Variants in AGPAT3 observed in about 807,000 individuals in gnomAD.
AGPAT3 encodes 1-acyl-sn-glycerol-3-phosphate acyltransferase gamma.
Under a neutral mutation model 47.3 loss-of-function variants are expected in AGPAT3, and 5 were observed. That is an observed-to-expected ratio of 0.11 (90% CI 0.06 to 0.22). The LOEUF (loss-of-function observed/expected upper bound fraction) is 0.22. AGPAT3 is among the 10% of genes least tolerant of loss of function. The pLI, the probability that AGPAT3 is intolerant of heterozygous loss-of-function variation, is 1.00. For missense variants in AGPAT3, 315 were observed against 493.0 expected, an observed-to-expected ratio of 0.64 and a Z score of 3.42; for synonymous variants, 212 against 208.3, an observed-to-expected ratio of 1.02 and a Z score of -0.15.
At chr21:43,904,401 C>T (rs1438712608) in intron 2 of AGPAT3, among the ~76,000 whole-genome samples, 1 of 152,178 alleles carries the variant, frequency 6.6e-6, no homozygotes, top group East Asian at 1.9e-4. Context: ...CCAGGAAGTC[C>T]ACCCCTCTCC....
At chr21:43,931,191 C>G (rs1197173135) in intron 2 of AGPAT3, among the ~76,000 whole-genome samples, 6 of 152,158 alleles carry the variant, frequency 3.9e-5, no homozygotes, top group Admixed American at 2.6e-4. Context: ...TGATGTCACA[C>G]TGACACCTGT....
chr21:43,928,174 A>G (rs1302746886), intron 2 of AGPAT3, among the ~76,000 whole-genome samples: 1 of 152,204 alleles, frequency 6.6e-6, no homozygotes, highest in East Asian at 1.9e-4. Flanking sequence ...TCCGCTGCAC[A>G]ATAAGAAGCG....
chr21:43,927,884 C>T (rs968262371), intron 2 of AGPAT3, among the ~76,000 whole-genome samples: 4 of 152,162 alleles, frequency 2.6e-5, no homozygotes, highest in African/African-American at 7.2e-5. Flanking sequence ...TGAGGGCGAC[C>T]GACGTGCCTG....
chr21:43,980,254 C>T (rs1296394190), intron 8 of AGPAT3, among the ~76,000 whole-genome samples: 9 of 136,384 alleles, frequency 6.6e-5, no homozygotes, highest in African/African-American at 1.8e-4. Flanking sequence ...CCAGCCTGGG[C>T]GACAGAGTGA....
chr21:43,908,406 G>A lies in AGPAT3; in HGVS notation c.-49+4387G>A, dbSNP rs2086553457. Among the ~76,000 whole-genome samples, 2 of 152,292 alleles carry A rather than the reference G, an allele frequency of 1.3e-5. No individual in the cohort carries two copies. The highest frequency in any genetic ancestry group is 2.1e-4 in the South Asian group (1 of 4,824). ...TTCTCGATCAGAAAGGAGGTGTCCC[G>A]ATCAGGGGGAGCACATGGGCTGGGA... On this transcript the variant is annotated intron_variant, in intron 2 of 9. Transcript: ENST00000291572. The surrounding 1 kb of genome is among the most constrained non-coding windows in gnomAD (Gnocchi z 4.9).
intron 2 of AGPAT3, among the ~76,000 whole-genome samples, chr21:43,926,644 T>C (rs1414260019): frequency 1.6e-5 from 1 of 61,778 alleles, no homozygotes; most frequent in South Asian, 5.5e-4. Flanking sequence ...GCCTTTTTTT[T>C]TTTTTTTTTT....
chr21:43,883,810 T>G (rs1263797097), intron 1 of AGPAT3, among the ~76,000 whole-genome samples: 2 of 152,164 alleles, frequency 1.3e-5, no homozygotes, highest in Non-Finnish European at 2.9e-5. Flanking sequence ...GCCAGGCTGG[T>G]CTCAAACTTC....
rs1293307565 is a variant in AGPAT3 at position 43,985,809 on chromosome 21, A to G, written c.*3417A>G. ...CTCTGGCCTGTGGCTCACTGCATGC[A>G]GCCCCTGGCGTGCAATACTAGTGCT... On this transcript the variant is annotated 3_prime_UTR_variant, in exon 10 of 10. Coordinates refer to ENST00000291572, the MANE Select transcript of AGPAT3 (RefSeq NM_020132.5). 1 of 156,316 alleles carries G rather than the reference A, an allele frequency of 6.4e-6. No individual in the cohort carries two copies. The highest frequency in any genetic ancestry group is 1.4e-5 in the Non-Finnish European group (1 of 70,424). 9.7% of individuals were successfully genotyped at this position (156,316 alleles called of 1,614,324 possible). A position where few individuals can be genotyped will look rare whatever the true frequency, so the allele number is the denominator to read the frequency against.
chr21:43,901,432 C>T (rs1330932419), intron 1 of AGPAT3, among the ~76,000 whole-genome samples: 2 of 51,200 alleles, frequency 3.9e-5, no homozygotes, highest in Non-Finnish European at 6.9e-5. Context: ...AAATATGTTC[C>T]ACGTGTTCAA....
chr21:43,870,563 A>AAAAAACAAAAAAAAAAAAAAAAAAAC (rs2085603754), intron 1 of AGPAT3, among the ~76,000 whole-genome samples: 1 of 149,658 alleles, frequency 6.7e-6, no homozygotes. Context: ...AAAAAAAAAA[A>AAAAAACAAAAAAAAAAAAAAAAAAAC]AACCCAAAAA....
rs1372202673 is a variant in AGPAT3 at position 43,880,550 on chromosome 21, A to G, written c.-112+15205A>G. On this transcript the variant is annotated intron_variant, in intron 1 of 9. Transcript: ENST00000291572. This position sits in a 1 kb window ranked among gnomAD's most constrained non-coding sequence, Gnocchi z 4.5. ...TGGCAGGGATTCTGATGACTCAGAG[A>G]CAGTAGCTACCCTTTTCCCAGTGGT... 6.6e-6 allele frequency among the ~76,000 whole-genome samples: 1 copy of G among 152,158 alleles called. No homozygotes were observed. Among genetic ancestry groups the G allele is most frequent in the Non-Finnish European group, 1.5e-5 (1 of 68,032 alleles).
chr21:43,891,937 C>A (rs913660221), intron 1 of AGPAT3, among the ~76,000 whole-genome samples: 6 of 152,106 alleles, frequency 3.9e-5, no homozygotes, highest in Non-Finnish European at 8.8e-5. Context: ...TTGCCCAGAT[C>A]CATCAGAGGA....
rs1242940167 is a variant in AGPAT3 at position 43,986,870 on chromosome 21, C to A, written c.*4478C>A. ...CACTTCATTTTTACAAGTTTTGCTA[C>A]TCACAAGCTTTATGTAGTGGAGGAT... On this transcript the variant is annotated 3_prime_UTR_variant, in exon 10 of 10. Transcript: ENST00000291572. Among the ~76,000 whole-genome samples, 1 of 152,220 alleles carries A rather than the reference C, an allele frequency of 6.6e-6. No individual in the cohort carries two copies. The highest frequency in any genetic ancestry group is 1.5e-5 in the Non-Finnish European group (1 of 68,034).
rs965646294 is a variant in AGPAT3 at position 43,880,645 on chromosome 21, A to T, written c.-112+15300A>T. ...TTTGCAAATCAACTTCAAAATTTGC[A>T]GTCACATTTATGGTAGGACAGATTC... is the stretch of plus-strand genomic sequence containing the variant. On this transcript the variant is annotated intron_variant, in intron 1 of 9. Coordinates refer to ENST00000291572, the MANE Select transcript of AGPAT3 (RefSeq NM_020132.5). The surrounding 1 kb of genome is among the most constrained non-coding windows in gnomAD (Gnocchi z 4.5). Among the ~76,000 whole-genome samples, 1 of 152,244 alleles carries T rather than the reference A, an allele frequency of 6.6e-6. No homozygotes were observed. The highest frequency in any genetic ancestry group is 1.5e-5 in the Non-Finnish European group (1 of 68,038).
chr21:43,902,381 G>A (rs542000643), intron 1 of AGPAT3, among the ~76,000 whole-genome samples: 1 of 152,318 alleles, frequency 6.6e-6, no homozygotes, highest in Admixed American at 6.5e-5. Flanking sequence ...AAGATTAATA[G>A]GGGAAAATAT....
In AGPAT3 at chr21:43,984,184, T is replaced by G. The variant is rs1483996743; in HGVS notation, c.*1792T>G. 6.6e-6 allele frequency: 1 copy of G among 152,264 alleles called. No individual in the cohort carries two copies. The highest frequency in any genetic ancestry group is 2.4e-5 in the African/African-American group (1 of 41,454). 9.4% of individuals were successfully genotyped at this position (152,264 alleles called of 1,614,324 possible). ...TGCAGACACTGTTGTTTTGGAAATG[T>G]GCTTCCCTCCATCTGAAATCTCATC... On this transcript the variant is annotated 3_prime_UTR_variant, in exon 10 of 10. Coordinates refer to ENST00000291572, the MANE Select transcript of AGPAT3 (RefSeq NM_020132.5).
At chr21:43,912,261 C>A (rs1364095303) in intron 2 of AGPAT3, among the ~76,000 whole-genome samples, 3 of 152,248 alleles carry the variant, frequency 2.0e-5, no homozygotes, top group Non-Finnish European at 4.4e-5. Context: ...ATGGGGCAAT[C>A]CTGGCACGCG....
In AGPAT3 at chr21:43,969,257, C is replaced by T. The variant is rs1188743578; in HGVS notation, c.488C>T (p.Ser163Leu). The T allele has an allele frequency of 5.0e-6, 8 of 1,614,106 alleles. No homozygotes were observed. Among genetic ancestry groups the T allele is most frequent in the Admixed American group, 1.7e-5 (1 of 60,006 alleles). Residue 163 changes from serine to leucine, a missense_variant, in exon 5 of 10, where the codon TCG becomes TTG. Ser to Leu is a moderately radical substitution (Grantham distance 145). Transcript: ENST00000291572. ...DTVVEGLRRL[S>L]DYPEYMWFLL... Reference sequence around the variant, plus strand: ...GTGGTCGAAGGGCTGAGGCGCCTGTCGGACTACCCCGAGTACATGTGGGTG... The same window carrying T: ...GTGGTCGAAGGGCTGAGGCGCCTGTTGGACTACCCCGAGTACATGTGGGTG...
intron 1 of AGPAT3, among the ~76,000 whole-genome samples, chr21:43,894,008 G>A (rs370069613): frequency 7.9e-5 from 12 of 152,286 alleles, no homozygotes; most frequent in African/African-American, 2.6e-4. Context: ...GGGCTGCCAC[G>A]AACCTTCACG....
Sources: allele counts gnomAD v4.1 joint callset (sites outside exome capture counted in the v4.1 genomes callset), GRCh38; gene constraint gnomAD v4.1.1; non-coding constraint Gnocchi (gnomAD v3.1); transcripts MANE v1.5; gene names NCBI Gene and HGNC (gene_info 2026-07-23, HGNC 2026-07-21).